The following WNT3 variants were observed in gnomAD, a reference collection of about 807,000 sequenced individuals.
WNT3 encodes proto-oncogene Wnt-3.
A neutral mutation model predicts 34.2 loss-of-function variants in WNT3; 7 were observed. That is an observed-to-expected ratio of 0.20 (90% CI 0.12 to 0.38). The LOEUF is 0.38. Ranked by LOEUF, WNT3 falls within the 10% of genes least tolerant of loss-of-function variation. The pLI, the probability that WNT3 is intolerant of heterozygous loss-of-function variation, is 1.00. For synonymous variants in WNT3, 212 were observed against 211.5 expected (o/e 1.00, Z -0.02); for missense variants, 267 against 499.8 (o/e 0.53, Z 4.44).
At chr17:46,797,602 C>G (rs2084071536) in intron 1 of WNT3, among the ~76,000 whole-genome samples, 1 of 152,244 alleles carries the variant, frequency 6.6e-6, no homozygotes, top group Admixed American at 6.5e-5. Context: ...TCTTGTAAAG[C>G]TCAACATTCA....
chr17:46,766,756 T>G (rs540987574), intron 4 of WNT3, among the ~76,000 whole-genome samples: 8 of 152,170 alleles, frequency 5.3e-5, no homozygotes, highest in Non-Finnish European at 8.8e-5. Context: ...GGCACAGACA[T>G]GTGCCAGTAG....
intron 1 of WNT3, among the ~76,000 whole-genome samples, chr17:46,816,595 T>G (rs2084353309): frequency 6.6e-6 from 1 of 152,114 alleles, no homozygotes; most frequent in Admixed American, 6.6e-5. Flanking sequence ...AGCATTATGT[T>G]AGGGCCAATG....
chr17:46,773,304 C>T (rs768496756), intron 2 of WNT3, among the ~76,000 whole-genome samples: 5 of 152,098 alleles, frequency 3.3e-5, no homozygotes, highest in Non-Finnish European at 5.9e-5. Context: ...TGGGAGGGAC[C>T]TAGGGGTGGC....
rs2084351360 is a variant in WNT3, at chr17:46,816,504, CACACACACACACCT to C, written c.80+2000_80+2013del. Among the ~76,000 whole-genome samples the C allele has an allele frequency of 2.1e-5, 3 of 145,396 alleles. No homozygotes were observed. The Admixed American group carries it at 2.2e-4, about 11-fold the overall frequency. On this transcript the variant is annotated intron_variant, in intron 1 of 4. Transcript: ENST00000225512. ...ACACACACACACACACACACACACA[CACACACACACACCT>C]CTCTCCTTGGCTTAGACAAAGCAGC...
intron 2 of WNT3, among the ~76,000 whole-genome samples, chr17:46,771,578 GGGCCGC>G (rs2059370413): frequency 6.7e-6 from 1 of 148,252 alleles, no homozygotes; most frequent in African/African-American, 2.4e-5. Context: ...GGGGCCCGCT[GGGCCGC>G]TCAATCCGCC....
chr17:46,789,477 C>G (rs2083952409), intron 1 of WNT3, among the ~76,000 whole-genome samples: 1 of 152,198 alleles, frequency 6.6e-6, no homozygotes, highest in Non-Finnish European at 1.5e-5. Flanking sequence ...AAGCCTCCAC[C>G]AGAAGTGTGA....
chr17:46,783,878 C>T (rs1047516240), intron 1 of WNT3, among the ~76,000 whole-genome samples: 2 of 152,226 alleles, frequency 1.3e-5, no homozygotes, highest in Non-Finnish European at 1.5e-5. Context: ...AGACATTATT[C>T]GGACAAACTA....
chr17:46,801,929 C>A (rs548579936), intron 1 of WNT3, among the ~76,000 whole-genome samples: 80 of 152,300 alleles, frequency 5.3e-4, no homozygotes, highest in African/African-American at 1.9e-3. Flanking sequence ...AGCATTGAGA[C>A]CACTCAACGA....
At chr17:46,816,888 G>C (rs1043331645) in intron 1 of WNT3, among the ~76,000 whole-genome samples, 2 of 152,196 alleles carry the variant, frequency 1.3e-5, no homozygotes, top group Admixed American at 1.3e-4. Flanking sequence ...AGGAATGGCC[G>C]GGTGAGGCTG....
chr17:46,803,865 G>C (rs2084158601), intron 1 of WNT3, among the ~76,000 whole-genome samples: 2 of 152,234 alleles, frequency 1.3e-5, no homozygotes, highest in Admixed American at 1.3e-4. Flanking sequence ...AGATACTCCA[G>C]GAGCCTAAAT....
At chr17:46,797,755 G>C (rs563355401) in intron 1 of WNT3, among the ~76,000 whole-genome samples, 1 of 152,200 alleles carries the variant, frequency 6.6e-6, no homozygotes, top group Non-Finnish European at 1.5e-5. Flanking sequence ...TTATGCAACT[G>C]TGAGCATGTG....
chr17:46,768,873 C>A lies in WNT3; in HGVS notation c.589-74G>T. On this transcript the variant is annotated intron_variant, in intron 3 of 4. Coordinates refer to ENST00000225512, the MANE Select transcript of WNT3 (RefSeq NM_030753.5). The surrounding 1 kb of genome is among the most constrained non-coding windows in gnomAD (Gnocchi z 5.0). Reference sequence around the variant, plus strand: ...GCACATCCAGGCCTTCCCTCTCTGCCACTGCCCACCCCCTTCCCTCCAGCC... The same window carrying A: ...GCACATCCAGGCCTTCCCTCTCTGCAACTGCCCACCCCCTTCCCTCCAGCC... 2 of 1,567,700 alleles carry A rather than the reference C, an allele frequency of 1.3e-6. No individual in the cohort carries two copies. The highest frequency in any genetic ancestry group is 2.3e-4 in the Middle Eastern group (1 of 4,432).
intron 1 of WNT3, among the ~76,000 whole-genome samples, chr17:46,791,349 G>A (rs914401313): frequency 1.3e-5 from 2 of 152,024 alleles, no homozygotes; most frequent in Non-Finnish European, 2.9e-5. Flanking sequence ...GATTACAGAC[G>A]AGGACCACCA....
At chr17:46,769,426 C>T (rs934712917) in intron 3 of WNT3, among the ~76,000 whole-genome samples, 3 of 152,172 alleles carry the variant, frequency 2.0e-5, no homozygotes, top group Non-Finnish European at 2.9e-5. Context: ...CTAGATCATA[C>T]AAGCATAGTA....
At position 46,806,990 on chromosome 17, in the gene WNT3, G is replaced by A. The variant is rs184810772; in HGVS notation, c.80+11528C>T. On this transcript the variant is annotated intron_variant, in intron 1 of 4. Coordinates refer to ENST00000225512, the MANE Select transcript of WNT3 (RefSeq NM_030753.5). ...AGCACCGTCGGCTTCCAAGGCAAGG[G>A]AGGGTGGGAGGAACCAGTTGTGAAG... Among the ~76,000 whole-genome samples, 31 of 152,384 alleles carry A rather than the reference G, an allele frequency of 2.0e-4. No individual in the cohort carries two copies. The East Asian group carries it at 5.8e-3, about 28-fold the overall frequency.
chr17:46,804,962 G>A (rs1568094118), intron 1 of WNT3, among the ~76,000 whole-genome samples: 2 of 127,874 alleles, frequency 1.6e-5, no homozygotes, highest in Non-Finnish European at 3.1e-5. Context: ...CCCTTGGGTC[G>A]CCTTCCATGC....
At chr17:46,776,933 G>A (rs2059417296) in intron 1 of WNT3, among the ~76,000 whole-genome samples, 1 of 152,076 alleles carries the variant, frequency 6.6e-6, no homozygotes, top group South Asian at 2.1e-4. Context: ...CCCAGCCCTT[G>A]CTTGACACCT....
At chr17:46,771,569 G>T (rs887873252) in intron 2 of WNT3, among the ~76,000 whole-genome samples, 6 of 148,460 alleles carry the variant, frequency 4.0e-5, no homozygotes, top group African/African-American at 1.5e-4. Flanking sequence ...CCGTCCGGCG[G>T]GGCCCGCTGG....
chr17:46,787,226 C>T (rs953416002), intron 1 of WNT3, among the ~76,000 whole-genome samples: 5 of 151,750 alleles, frequency 3.3e-5, no homozygotes, highest in African/African-American at 4.8e-5. Context: ...CAGGTGTGAG[C>T]CAGCGTGCCC....
Sources: gnomAD v4.1 joint callset for allele counts (sites outside exome capture counted in the v4.1 genomes callset) on GRCh38, gnomAD v4.1.1 for gene constraint, Gnocchi (gnomAD v3.1) non-coding constraint, MANE v1.5 for transcripts, NCBI Gene and HGNC (gene_info 2026-07-23, HGNC 2026-07-21) for gene names.